SALL4: variants seen among roughly 807,000 people sequenced by gnomAD.
SALL4 encodes the protein sal-like protein 4.
Under a neutral mutation model 60.8 loss-of-function variants are expected in SALL4, and 4 were observed. The ratio of observed to expected loss-of-function variants is 0.07; its 90% CI spans 0.03 to 0.15. The LOEUF is 0.15. Among genes scored for constraint, SALL4 ranks in the 10% least tolerant of loss-of-function variants. The pLI is 1.00. For missense variants in SALL4, 1,178 were observed against 1,394.7 expected (o/e 0.84, Z 2.48); for synonymous variants, 580 against 574.9 (o/e 1.01, Z -0.13).
chr20:51,785,941 C>CT (rs73625468), intron 3 of SALL4, among the ~76,000 whole-genome samples: 6 of 149,268 alleles, frequency 4.0e-5, no homozygotes, highest in Non-Finnish European at 8.9e-5. Flanking sequence ...CACGTCCGGC[C>CT]TTTTTTTTGA....
At chr20:51,789,888 A>G (rs1391249411) in intron 2 of SALL4, 134 bp downstream of exon 2, 1 of 1,048,484 alleles carries the variant, frequency 9.5e-7, no homozygotes, top group Admixed American at 2.0e-5. Context: ...TCTACCCAGA[A>G]GTAAAGAAAA....
rs566659866 is a variant in SALL4 at position 51,787,120 on chromosome 20, C to A, written c.2742+1741G>T. Among the ~76,000 whole-genome samples, 18 of 149,988 alleles carry A rather than the reference C, an allele frequency of 1.2e-4. No individual in the cohort carries two copies. In the South Asian group the frequency reaches 2.1e-3, roughly 18 times the overall value. ...GAAACAAACAAACAAACAAAACAAACCAAAACAAAACAAATTTTGGGGCAG... is the reference window on the plus strand; with the variant it reads ...GAAACAAACAAACAAACAAAACAAAACAAAACAAAACAAATTTTGGGGCAG... On this transcript the variant is annotated intron_variant, in intron 3 of 3. Transcript: ENST00000217086.
At position 51,782,868 on chromosome 20, in the gene SALL4, C is replaced by T. The variant is rs1457132418; in HGVS notation, c.*1397G>A. On this transcript the variant is annotated 3_prime_UTR_variant, in exon 4 of 4. Coordinates refer to ENST00000217086, the MANE Select transcript of SALL4 (RefSeq NM_020436.5). The stretch of plus-strand genomic sequence containing the variant: ...CTTTAGACAGGGCCTGGGAATACTT[C>T]AGCGGTCTTAAAATAGGAAAATAGA... 1 of 151,792 alleles carries T rather than the reference C, an allele frequency of 6.6e-6. No individual in the cohort carries two copies. Among genetic ancestry groups the T allele is most frequent in the Admixed American group, 6.6e-5 (1 of 15,202 alleles). The allele number at this position is 151,792 out of a possible 1,614,324, so 9.4% of individuals were successfully genotyped here.
intron 1 of SALL4, among the ~76,000 whole-genome samples, chr20:51,798,193 A>T (rs1251486002): frequency 6.6e-6 from 1 of 152,264 alleles, no homozygotes; most frequent in Non-Finnish European, 1.5e-5. Context: ...CCTAATTAAG[A>T]TCTAAAAAAG....
At position 51,788,655 on chromosome 20, in the gene SALL4, G is replaced by A. The variant is rs1047640379; in HGVS notation, c.2742+206C>T. On this transcript the variant is annotated intron_variant, in intron 3 of 3. Transcript: ENST00000217086. The surrounding 1 kb of genome is among the most constrained non-coding windows in gnomAD (Gnocchi z 4.1). ...GCAGTGAGCTTGAGCTTGAGATGGC[G>A]CCACTGCACTCCAGTCTGGGCGACA... is the stretch of plus-strand genomic sequence containing the variant. Among the ~76,000 whole-genome samples, 9 of 152,012 alleles carry A rather than the reference G, an allele frequency of 5.9e-5. No individual in the cohort carries two copies. Among genetic ancestry groups the A allele is most frequent in the Non-Finnish European group, 8.8e-5 (6 of 68,018 alleles).
chr20:51,784,592 G>T lies in SALL4; in HGVS notation c.2835C>A (p.Asp945Glu), dbSNP rs143702441. 6.2e-7 allele frequency: 1 copy of T among 1,614,072 alleles called. No homozygotes were observed. Residue 945 changes from aspartate to glutamate, a missense_variant, in exon 4 of 4, where the codon GAC (aspartate) becomes GAA (glutamate). Around this residue, in one of 5 missense-constraint regions of SALL4, gnomAD observed 174 missense variants for 169.6 expected, o/e 1.03. Transcript: ENST00000217086. ...GAAAGATTTCTGAGACTCTTTTTCC[G>T]TCCGTACCTAACAGAGCCATGGTGT... ...IENTMALLGTDGKRVSEIFPK... is the reference protein window; with the variant it reads ...IENTMALLGTEGKRVSEIFPK...
At chr20:51,793,129 A>G (rs2078059693) in intron 1 of SALL4, 1 of 208,418 alleles carries the variant, frequency 4.8e-6, no homozygotes, top group Admixed American at 6.5e-5. Flanking sequence ...TGCCACAGAA[A>G]TTAAGTGAAA....
At chr20:51,789,635 A>G (rs1415954671) in intron 2 of SALL4, among the ~76,000 whole-genome samples, 1 of 152,172 alleles carries the variant, frequency 6.6e-6, no homozygotes, top group African/African-American at 2.4e-5. Flanking sequence ...TTCAGTGGTC[A>G]AAAAGCAGTG....
chr20:51,794,698 A>T (rs1372599750), intron 1 of SALL4, among the ~76,000 whole-genome samples: 1 of 152,208 alleles, frequency 6.6e-6, no homozygotes, highest in Non-Finnish European at 1.5e-5. Flanking sequence ...ATTCTAAACA[A>T]TTTGTTATAT....
chr20:51,791,725 C>T lies in SALL4; in HGVS notation c.758G>A (p.Gly253Glu). 6.2e-7 allele frequency: 1 copy of T among 1,614,166 alleles called. No individual in the cohort carries two copies. ...ASHALHSSGA[G>E]ADTLKTLGSH... ...GCCCAAGGTCTTCAGAGTGTCGGCC[C>T]CTGCCCCGCTTGAGTGGAGGGCGTG... The change falls in exon 2 of 4, where the codon GGG becomes GAG. Residue 253 changes from glycine (G) to glutamate (E), a missense_variant. Transcript: ENST00000217086. The surrounding 1 kb of genome is among the most constrained non-coding windows in gnomAD (Gnocchi z 4.6).
chr20:51,790,930 C>A lies in SALL4; in HGVS notation c.1553G>T (p.Gly518Val). 5 of 1,614,096 alleles carry A rather than the reference C, an allele frequency of 3.1e-6. No homozygotes were observed. The highest frequency in any genetic ancestry group is 4.2e-6 in the Non-Finnish European group (5 of 1,180,020). The change falls in exon 2 of 4, where the codon GGA becomes GTA. Residue 518 changes from glycine (G) to valine (V), a missense_variant. Around this residue, in one of 5 missense-constraint regions of SALL4, gnomAD observed 853 missense variants for 1,036.8 expected, o/e 0.82. Transcript: ENST00000217086. The surrounding 1 kb of genome is among the most constrained non-coding windows in gnomAD (Gnocchi z 5.5). ...QPGPSPESEG[G>V]PTLPGVGPNY... ...TGGTCCCACCCCAGGGAGTGTGGGT[C>A]CACCCTCACTTTCTGGAGAAGGCCC... is the stretch of plus-strand genomic sequence containing the variant.
Position 51,791,266 on chromosome 20 carries a change from C to T in SALL4, c.1217G>A (p.Gly406Glu), listed in dbSNP as rs909632001. The change falls in exon 2 of 4, where the codon GGA becomes GAA. Residue 406 changes from glycine (G) to glutamate (E), a missense_variant. Physicochemically the swap from Gly to Glu is moderately conservative, Grantham distance 98. This residue lies in a region of SALL4 where 853 missense variants were observed against 1,036.8 expected (regional missense o/e 0.82). Coordinates refer to ENST00000217086, the MANE Select transcript of SALL4 (RefSeq NM_020436.5). The surrounding 1 kb of genome is among the most constrained non-coding windows in gnomAD (Gnocchi z 4.6). ...GACAGAGCACACGAAGGGTCTCTCT[C>T]CAGTGTGGGAGCGGAGGTGGATCTG... ...SLQIHLRSHT[G>E]ERPFVCSVCG... The T allele has an allele frequency of 1.2e-6, 2 of 1,614,136 alleles. No individual in the cohort carries two copies. The highest frequency in any genetic ancestry group is 1.7e-6 in the Non-Finnish European group (2 of 1,180,040).
At chr20:51,796,450 G>C (rs752013497) in intron 1 of SALL4, among the ~76,000 whole-genome samples, 1 of 152,166 alleles carries the variant, frequency 6.6e-6, no homozygotes, top group Non-Finnish European at 1.5e-5. Context: ...ACGTGAGATA[G>C]TTTTACAATT....
At position 51,791,908 on chromosome 20, in the gene SALL4, G is replaced by A. The variant is rs376632759; in HGVS notation, c.575C>T (p.Ala192Val). ...TLQALRGTKV[A>V]VNQRSADALP... Reference sequence around the variant, plus strand: ...TGCATCCGCGCTCCGCTGATTCACCGCCACCTTGGTGCCCCGTAGTGCCTG... The same window carrying A: ...TGCATCCGCGCTCCGCTGATTCACCACCACCTTGGTGCCCCGTAGTGCCTG... The change falls in exon 2 of 4, where the codon GCG (alanine) becomes GTG (valine). Residue 192 changes from alanine to valine, a missense_variant. This residue lies in a region of SALL4 where 853 missense variants were observed against 1,036.8 expected (regional missense o/e 0.82). Transcript: ENST00000217086. The surrounding 1 kb of genome is among the most constrained non-coding windows in gnomAD (Gnocchi z 4.6). The A allele has an allele frequency of 8.1e-6, 13 of 1,614,190 alleles. No individual in the cohort carries two copies. Among genetic ancestry groups the A allele is most frequent in the African/African-American group, 1.3e-5 (1 of 75,074 alleles).
At chr20:51,796,360 C>A (rs1480443774) in intron 1 of SALL4, among the ~76,000 whole-genome samples, 1 of 152,170 alleles carries the variant, frequency 6.6e-6, no homozygotes, top group African/African-American at 2.4e-5. Context: ...CATACTCTTA[C>A]ACCTTAAGGC....
In SALL4 at chr20:51,802,519, A is replaced by G. The variant is rs2078117809; in HGVS notation, c.-111T>C. On this transcript the variant is annotated 5_prime_UTR_variant, in exon 1 of 4. Transcript: ENST00000217086. ...CGGCCGGAACGCGCATGTCCCAGTAATTATTATTATCAATAATGCATTGCG... is the reference window on the plus strand; with the variant it reads ...CGGCCGGAACGCGCATGTCCCAGTAGTTATTATTATCAATAATGCATTGCG... The G allele has an allele frequency of 2.6e-6, 4 of 1,513,818 alleles. No homozygotes were observed. Among genetic ancestry groups the G allele is most frequent in the Non-Finnish European group, 3.6e-6 (4 of 1,112,788 alleles). The allele number at this position is 1,513,818 out of a possible 1,614,324, so 93.8% of individuals were successfully genotyped here. A position where few individuals can be genotyped will look rare whatever the true frequency, so the allele number is the denominator to read the frequency against.
intron 1 of SALL4, among the ~76,000 whole-genome samples, chr20:51,798,701 G>T (rs1020318916): frequency 1.3e-5 from 2 of 151,814 alleles, no homozygotes; most frequent in African/African-American, 4.8e-5. Context: ...CCGTGTGAAG[G>T]CACATCCCAA....
chr20:51,795,487 T>G (rs905222584), intron 1 of SALL4, among the ~76,000 whole-genome samples: 5 of 152,156 alleles, frequency 3.3e-5, no homozygotes, highest in Admixed American at 3.3e-4. Flanking sequence ...AACCGCCAAC[T>G]CTCAGATAAA....
At position 51,788,507 on chromosome 20, in the gene SALL4, G is replaced by A. The variant is rs1004104313; in HGVS notation, c.2742+354C>T. Among the ~76,000 whole-genome samples, 19 of 152,016 alleles carry A rather than the reference G, an allele frequency of 1.2e-4. No homozygotes were observed. Among genetic ancestry groups the A allele is most frequent in the African/African-American group, 4.1e-4 (17 of 41,396 alleles). Reference sequence around the variant, plus strand: ...AGATCGAGACCATCCTGGCTAACGCGGTGAAACCCCACCTCTACTAAAAAT... The same window carrying A: ...AGATCGAGACCATCCTGGCTAACGCAGTGAAACCCCACCTCTACTAAAAAT... On this transcript the variant is annotated intron_variant, in intron 3 of 3. Transcript: ENST00000217086. This position sits in a 1 kb window ranked among gnomAD's most constrained non-coding sequence, Gnocchi z 4.1.
Sources: gnomAD v4.1 joint callset for allele counts (sites outside exome capture counted in the v4.1 genomes callset) on GRCh38, gnomAD v4.1.1 for gene constraint, gnomAD v4.1.1 regional missense constraint, Gnocchi (gnomAD v3.1) non-coding constraint, MANE v1.5 for transcripts, NCBI Gene and HGNC (gene_info 2026-07-23, HGNC 2026-07-21) for gene names.